Variants in ZNF740 observed in about 807,000 individuals in gnomAD.
ZNF740 encodes zinc finger protein 740.
Under a neutral mutation model 24.8 loss-of-function variants are expected in ZNF740, and 14 were observed. The observed-to-expected ratio is 0.56, with a 90% CI of 0.37 to 0.88. The LOEUF (loss-of-function observed/expected upper bound fraction) is 0.88. ZNF740 is among the 40% of genes least tolerant of loss of function. ZNF740 has a pLI of 0.00. For missense variants in ZNF740, 201 were observed against 247.9 expected (o/e 0.81, Z 1.27); for synonymous variants, 69 against 84.0 (o/e 0.82, Z 0.98).
chr12:53,184,438 A>G (rs1357375038), intron 2 of ZNF740, among the ~76,000 whole-genome samples: 1 of 151,870 alleles, frequency 6.6e-6, no homozygotes, highest in Non-Finnish European at 1.5e-5. Flanking sequence ...CGCCCGCCTC[A>G]TTCTCCCAAA....
chr12:53,192,959 T>C lies in ZNF740; in HGVS notation c.*5369T>C, dbSNP rs138251595. The C allele has an allele frequency of 2.4e-4, 383 of 1,571,706 alleles. No homozygotes were observed. In the African/African-American group the frequency reaches 4.3e-3, roughly 18 times the overall value. On this transcript the variant is annotated 3_prime_UTR_variant, in exon 7 of 7. Coordinates refer to ENST00000416904, the MANE Select transcript of ZNF740 (RefSeq NM_001004304.4). Reference sequence around the variant, plus strand: ...TGACAACCATACTCCACACACACAGTTGGCCATCATGTGGCACGACAAGCC... The same window carrying C: ...TGACAACCATACTCCACACACACAGCTGGCCATCATGTGGCACGACAAGCC...
At chr12:53,184,792 G>C in intron 2 of ZNF740, 99 bp from the exon 3 acceptor site, 2 of 1,406,762 alleles carry the variant, frequency 1.4e-6, no homozygotes, top group Non-Finnish European at 1.9e-6. Context: ...GAGAGAAGCA[G>C]TTTGTAGCAG....
Position 53,191,536 on chromosome 12 carries a change from G to T in ZNF740, c.*3946G>T. ...CTGTCCTCCAAGGAGAAGAGCCTTG[G>T]GTAAGTGTCCCTCCCTCCTTCAGAG... is the stretch of plus-strand genomic sequence containing the variant. On this transcript the variant is annotated 3_prime_UTR_variant, in exon 7 of 7. Transcript: ENST00000416904. The T allele has an allele frequency of 3.8e-6, 6 of 1,586,044 alleles. No individual in the cohort carries two copies. The South Asian group carries it at 5.5e-5, about 15-fold the overall frequency.
At chr12:53,185,079 G>A (rs1233813754) in intron 3 of ZNF740, 39 bp downstream of exon 3, 1 of 1,610,442 alleles carries the variant, frequency 6.2e-7, no homozygotes, top group East Asian at 2.2e-5. Flanking sequence ...TGGGGATCGG[G>A]TGGCCCAAGC....
Position 53,191,543 on chromosome 12 carries a change from GTCCC to G in ZNF740, c.*3961_*3964del, listed in dbSNP as rs1307952942. 6.3e-7 allele frequency: 1 copy of G among 1,597,334 alleles called. No individual in the cohort carries two copies. The highest frequency in any genetic ancestry group is 1.7e-5 in the Admixed American group (1 of 60,016). ...CCAAGGAGAAGAGCCTTGGGTAAGT[GTCCC>G]TCCCTCCTTCAGAGAGTGGGACTGT... On this transcript the variant is annotated 3_prime_UTR_variant, in exon 7 of 7. Transcript: ENST00000416904.
chr12:53,182,734 G>A (rs1448454808), intron 2 of ZNF740, among the ~76,000 whole-genome samples: 1 of 152,158 alleles, frequency 6.6e-6, no homozygotes, highest in Non-Finnish European at 1.5e-5. Flanking sequence ...ACGGAGTAAG[G>A]GATTTAAATG....
rs1291029147 is a variant in ZNF740, at chr12:53,193,743, A to G, written c.*6153A>G. On this transcript the variant is annotated 3_prime_UTR_variant, in exon 7 of 7. Transcript: ENST00000416904. ...CACATTGTAGGTGTCCCTGGCCATC[A>G]CTGCAGTGGGGAGCCTGGGGCTGGG... The G allele has an allele frequency of 1.2e-6, 2 of 1,613,818 alleles. No individual in the cohort carries two copies. The highest frequency in any genetic ancestry group is 4.5e-5 in the East Asian group (2 of 44,862).
Position 53,180,762 on chromosome 12 carries a change from G to A in ZNF740, c.-383G>A, listed in dbSNP as rs1176985254. The A allele has an allele frequency of 1.3e-5, 17 of 1,268,986 alleles. No individual in the cohort carries two copies. The South Asian group carries it at 2.2e-4, about 16-fold the overall frequency. The allele number at this position is 1,268,986 out of a possible 1,614,324, so 78.6% of individuals were successfully genotyped here. A position where few individuals can be genotyped will look rare whatever the true frequency, so the allele number is the denominator to read the frequency against. On this transcript the variant is annotated 5_prime_UTR_variant, in exon 1 of 7. Transcript: ENST00000416904. ...TCCCGGTGGGGGCAGCCGCGGCGGT[G>A]GGGTTGGCAGGGTGTGCTGGGGCCT...
chr12:53,193,583 A>ACGC lies in ZNF740; in HGVS notation c.*5994_*5995insGCC. 1 of 903,850 alleles carries ACGC rather than the reference A, an allele frequency of 1.1e-6. No homozygotes were observed. The highest frequency in any genetic ancestry group is 1.8e-5 in the South Asian group (1 of 56,182). The allele number at this position is 903,850 out of a possible 1,614,324, so 56.0% of individuals were successfully genotyped here. A position where few individuals can be genotyped will look rare whatever the true frequency, so the allele number is the denominator to read the frequency against. On this transcript the variant is annotated 3_prime_UTR_variant, in exon 7 of 7. Transcript: ENST00000416904. ...TACATGGGAAGCTTCAAGGGATGAA[A>ACGC]CTGAGTGGGGAGTCGGGATGTCGAG...
rs1025965924 is a variant in ZNF740 at position 53,192,191 on chromosome 12, C to T, written c.*4601C>T. ...AGGGCCTTAGCCTCGTCCACTTGCT[C>T]AATTGCCTCTGCCTTTGTCCTGGAT... is the stretch of plus-strand genomic sequence containing the variant. On this transcript the variant is annotated 3_prime_UTR_variant, in exon 7 of 7. Coordinates refer to ENST00000416904, the MANE Select transcript of ZNF740 (RefSeq NM_001004304.4). 4 of 1,199,358 alleles carry T rather than the reference C, an allele frequency of 3.3e-6. No homozygotes were observed. Among genetic ancestry groups the T allele is most frequent in the African/African-American group, 3.0e-5 (2 of 66,198 alleles). The allele number at this position is 1,199,358 out of a possible 1,614,324, so 74.3% of individuals were successfully genotyped here.
chr12:53,193,455 A>C lies in ZNF740; in HGVS notation c.*5865A>C. ...AGGAACCTCTAAACCCAAGTTCTCAAAAGAGTTGGAGACAGACAAACAGCT... is the reference window on the plus strand; with the variant it reads ...AGGAACCTCTAAACCCAAGTTCTCACAAGAGTTGGAGACAGACAAACAGCT... On this transcript the variant is annotated 3_prime_UTR_variant, in exon 7 of 7. Transcript: ENST00000416904. 1 of 951,526 alleles carries C rather than the reference A, an allele frequency of 1.1e-6. No homozygotes were observed. The highest frequency in any genetic ancestry group is 1.5e-6 in the Non-Finnish European group (1 of 650,342). The allele number at this position is 951,526 out of a possible 1,614,324, so 58.9% of individuals were successfully genotyped here. A position where few individuals can be genotyped will look rare whatever the true frequency, so the allele number is the denominator to read the frequency against.
intron 2 of ZNF740, among the ~76,000 whole-genome samples, chr12:53,183,386 C>G (rs991600874): frequency 6.6e-6 from 1 of 152,194 alleles, no homozygotes; most frequent in African/African-American, 2.4e-5. Context: ...GGATCTTTCA[C>G]TCCAAAGTCC....
chr12:53,192,979 C>G lies in ZNF740; in HGVS notation c.*5389C>G. 6.8e-7 allele frequency: 1 copy of G among 1,480,628 alleles called. No homozygotes were observed. Among genetic ancestry groups the G allele is most frequent in the Non-Finnish European group, 9.4e-7 (1 of 1,068,332 alleles). 91.7% of individuals were successfully genotyped at this position (1,480,628 alleles called of 1,614,324 possible). ...CACAGTTGGCCATCATGTGGCACGACAAGCCCACGCATCCAATCTTTTTGA... is the reference window on the plus strand; with the variant it reads ...CACAGTTGGCCATCATGTGGCACGAGAAGCCCACGCATCCAATCTTTTTGA... On this transcript the variant is annotated 3_prime_UTR_variant, in exon 7 of 7. Coordinates refer to ENST00000416904, the MANE Select transcript of ZNF740 (RefSeq NM_001004304.4).
chr12:53,187,544 G>C lies in ZNF740; in HGVS notation c.536G>C (p.Cys179Ser). ...CGATTACTCAGACACAAACGGATGTGCCAAGGGTGCCAGTCCAAGACTTCC... is the reference window on the plus strand; with the variant it reads ...CGATTACTCAGACACAAACGGATGTCCCAAGGGTGCCAGTCCAAGACTTCC... The part of the protein sequence containing the change: ...TDRLLRHKRM[C>S]QGCQSKTSDG... The change falls in exon 7 of 7, where the codon TGC becomes TCC. Residue 179 changes from cysteine to serine, a missense_variant. Physicochemically the swap from Cys to Ser is moderately radical, Grantham distance 112. This residue lies in a region of ZNF740 where 24 missense variants were observed against 17.8 expected (regional missense o/e 1.35). Transcript: ENST00000416904. 6.2e-7 allele frequency: 1 copy of C among 1,613,984 alleles called. No individual in the cohort carries two copies. Among genetic ancestry groups the C allele is most frequent in the Non-Finnish European group, 8.5e-7 (1 of 1,179,878 alleles).
intron 6 of ZNF740, chr12:53,186,823 C>T (rs958189869): frequency 4.7e-6 from 1 of 212,490 alleles, no homozygotes; most frequent in East Asian, 1.0e-4. Context: ...GTCCTTATTT[C>T]ACGTATGGGA....
intron 2 of ZNF740, 147 bp downstream of exon 2, chr12:53,182,139 G>A: frequency 1.7e-6 from 2 of 1,176,418 alleles, no homozygotes; most frequent in Non-Finnish European, 2.4e-6. Flanking sequence ...AGGAAGGAAA[G>A]GAGACAGGCC....
chr12:53,181,413 A>T, intron 1 of ZNF740: 1 of 985,316 alleles, frequency 1.0e-6, no homozygotes, highest in Non-Finnish European at 1.2e-6. Context: ...CCCTTCTTCC[A>T]TTCCTGAGAT....
At position 53,187,796 on chromosome 12, in the gene ZNF740, AAGTTCTTAC is replaced by A. The variant is rs1941852432; in HGVS notation, c.*209_*217del. 1 of 554,352 alleles carries A rather than the reference AAGTTCTTAC, an allele frequency of 1.8e-6. No individual in the cohort carries two copies. Among genetic ancestry groups the A allele is most frequent in the Non-Finnish European group, 3.3e-6 (1 of 307,672 alleles). 34.3% of individuals were successfully genotyped at this position (554,352 alleles called of 1,614,324 possible). A position where few individuals can be genotyped will look rare whatever the true frequency, so the allele number is the denominator to read the frequency against. ...ATCTGAGACTATGAGTATCTCGGGG[AAGTTCTTAC>A]AGCATTCCTGGGTAGGGGAGCTAGT... On this transcript the variant is annotated 3_prime_UTR_variant, in exon 7 of 7. Coordinates refer to ENST00000416904, the MANE Select transcript of ZNF740 (RefSeq NM_001004304.4).
At position 53,185,322 on chromosome 12, in the gene ZNF740, C is replaced by G. The variant is rs1340087268; in HGVS notation, c.160-65C>G. ...CTCATTTATGAATTTTGTCTGAGAG[C>G]TGCATTGGGTCTCATCTCATGTTCC... is the stretch of plus-strand genomic sequence containing the variant. On this transcript the variant is annotated intron_variant, in intron 3 of 6. Transcript: ENST00000416904. 6.6e-6 allele frequency: 10 copies of G among 1,526,500 alleles called. No homozygotes were observed. The African/African-American group carries it at 1.2e-4, about 19-fold the overall frequency. 94.6% of individuals were successfully genotyped at this position (1,526,500 alleles called of 1,614,324 possible).
Sources: gnomAD v4.1 joint callset for allele counts (sites outside exome capture counted in the v4.1 genomes callset) on GRCh38, gnomAD v4.1.1 for gene constraint, gnomAD v4.1.1 regional missense constraint, MANE v1.5 for transcripts, NCBI Gene and HGNC (gene_info 2026-07-23, HGNC 2026-07-21) for gene names.